IQCN: variants seen among roughly 807,000 people sequenced by gnomAD.
IQCN encodes the protein IQ domain-containing protein N.
Under a neutral mutation model 64.4 loss-of-function variants are expected in IQCN, and 46 were observed. That is an observed-to-expected ratio of 0.71 (90% CI 0.56 to 0.91). The LOEUF (loss-of-function observed/expected upper bound fraction) is 0.91, where lower values mean the gene tolerates loss of function less well. IQCN is among the 40% of genes least tolerant of loss of function. The pLI, the probability that IQCN is intolerant of heterozygous loss-of-function variation, is 0.00. For missense variants in IQCN, 1,753 were observed against 1,857.4 expected (o/e 0.94, Z 1.03); for synonymous variants, 733 against 775.6 (o/e 0.95, Z 0.91).
intron 2 of IQCN, 161 bp from the exon 3 acceptor site, chr19:18,267,687 G>C (rs1289219090): frequency 1.2e-6 from 1 of 831,886 alleles, no homozygotes; most frequent in Admixed American, 3.5e-5. Flanking sequence ...AGTGGTCTTT[G>C]CCATCCTTAT....
At chr19:18,273,037 A>ATTT (rs554792560) in intron 1 of IQCN, among the ~76,000 whole-genome samples, 57 of 151,772 alleles carry the variant, frequency 3.8e-4, no homozygotes, top group South Asian at 1.2e-3. Context: ...TATTATTTTT[A>ATTT]TTTTTTTGAG....
At chr19:18,268,149 T>C (rs1969645958) in intron 2 of IQCN, among the ~76,000 whole-genome samples, 2 of 150,828 alleles carry the variant, frequency 1.3e-5, no homozygotes. Flanking sequence ...CTGATCACAA[T>C]GTTTTGGAAA....
rs200986231 is a variant in IQCN, at chr19:18,264,954, G to C, written c.2586C>G (p.Pro862=). Residue 862 remains proline, a synonymous_variant, in exon 3 of 4, where the codon CCC becomes CCG. Transcript: ENST00000392413. The surrounding 1 kb of genome is among the most constrained non-coding windows in gnomAD (Gnocchi z 4.3). ...CCTCCTGGCAGGGCACCGCCTGGCCGGGCATTGATGGCTGGGCACGTGTGG... is the reference window on the plus strand; with the variant it reads ...CCTCCTGGCAGGGCACCGCCTGGCCCGGCATTGATGGCTGGGCACGTGTGG... ...NGATRAQPSM[P]GQAVPCQEDT... is the part of the protein sequence containing the mutation. 1 of 1,610,778 alleles carries C rather than the reference G, an allele frequency of 6.2e-7. No homozygotes were observed. Among genetic ancestry groups the C allele is most frequent in the African/African-American group, 1.3e-5 (1 of 75,060 alleles).
chr19:18,265,029 T>G lies in IQCN; in HGVS notation c.2511A>C (p.Ala837=), dbSNP rs1397339706. The change falls in exon 3 of 4, where the codon GCA becomes GCC. Residue 837 remains alanine (A), a synonymous_variant. Transcript: ENST00000392413. This position sits in a 1 kb window ranked among gnomAD's most constrained non-coding sequence, Gnocchi z 4.7. ...EVQGMLVPPM[A]PTGHSTCNVE... ...CGTTGCATGTGGAATGGCCGGTGGG[T>G]GCCATCGGCGGCACCAGCATACCCT... 6.2e-7 allele frequency: 1 copy of G among 1,602,128 alleles called. No individual in the cohort carries two copies. Among genetic ancestry groups the G allele is most frequent in the Non-Finnish European group, 8.5e-7 (1 of 1,179,788 alleles).
intron 3 of IQCN, chr19:18,258,345 G>T: frequency 1.4e-6 from 1 of 695,180 alleles, no homozygotes. Context: ...GGGCCTGTGG[G>T]TGGGGTTTGC....
intron 3 of IQCN, chr19:18,261,490 G>C: frequency 6.4e-6 from 1 of 155,510 alleles, no homozygotes; most frequent in East Asian, 1.9e-4. Context: ...GGCTGGGTCA[G>C]GCTTGGAGAC....
At chr19:18,272,641 C>G (rs968322135) in intron 1 of IQCN, among the ~76,000 whole-genome samples, 6 of 149,504 alleles carry the variant, frequency 4.0e-5, no homozygotes, top group Non-Finnish European at 7.4e-5. Flanking sequence ...GACGGAGTCT[C>G]GTTCTGTCTC....
chr19:18,264,764 T>C lies in IQCN; in HGVS notation c.2776A>G (p.Lys926Glu). 2 of 1,551,154 alleles carry C rather than the reference T, an allele frequency of 1.3e-6. No homozygotes were observed. Among genetic ancestry groups the C allele is most frequent in the South Asian group, 1.2e-5 (1 of 84,152 alleles). The change falls in exon 3 of 4, where the codon AAA (lysine) becomes GAA (glutamate). Residue 926 changes from lysine (K) to glutamate (E), a missense_variant. Lys to Glu is a moderately conservative substitution (Grantham distance 56). Transcript: ENST00000392413. The surrounding 1 kb of genome is among the most constrained non-coding windows in gnomAD (Gnocchi z 4.3). ...SKEVLGATVT[K>E]ALPQSMLSMA... ...CTCAGCATGCTCTGGGGCAGGGCTT[T>C]GGTGACAGTGGCACCCAGGACCTCC...
At chr19:18,262,672 C>G (rs1363516781) in intron 3 of IQCN, 6 of 152,234 alleles carry the variant, frequency 3.9e-5, no homozygotes, top group Non-Finnish European at 8.8e-5. Context: ...CTTGGGGTCA[C>G]CCAATTACCC....
At chr19:18,262,153 G>T (rs568839998) in intron 3 of IQCN, 1 of 153,026 alleles carries the variant, frequency 6.5e-6, no homozygotes, top group Non-Finnish European at 1.5e-5. Context: ...AGGTAGCCTG[G>T]GTTTGGGGAC....
rs1568279698 is a variant in IQCN, at chr19:18,265,840, ACCAC to A, written c.1696_1699del (p.Val566Ter). The A allele has an allele frequency of 6.2e-7, 1 of 1,613,846 alleles. No individual in the cohort carries two copies. Among genetic ancestry groups the A allele is most frequent in the Admixed American group, 1.7e-5 (1 of 60,004 alleles). On this transcript the variant is annotated frameshift_variant, in exon 3 of 4. Coordinates refer to ENST00000392413, the MANE Select transcript of IQCN (RefSeq NM_001145304.2). LOFTEE classifies it high-confidence loss of function. This position sits in a 1 kb window ranked among gnomAD's most constrained non-coding sequence, Gnocchi z 4.7. ...CAAATAGGAGGGGGATGAGGCTTTC[ACCAC>A]CTTTGCAGCCTGCTTCACATTCACG...
chr19:18,265,827 G>T lies in IQCN; in HGVS notation c.1713C>A (p.Ser571=), dbSNP rs1402436780. ...TCTTCCCCTCAGCCAAATAGGAGGG[G>T]GATGAGGCTTTCACCACCTTTGCAG... ...KQAAKVVKAS[S]PSYLAEGKIR... Residue 571 remains serine, a synonymous_variant, in exon 3 of 4, where the codon TCC becomes TCA. Transcript: ENST00000392413. This position sits in a 1 kb window ranked among gnomAD's most constrained non-coding sequence, Gnocchi z 4.7. 6.2e-7 allele frequency: 1 copy of T among 1,614,180 alleles called. No homozygotes were observed. The highest frequency in any genetic ancestry group is 1.1e-5 in the South Asian group (1 of 91,076).
rs867187080 is a variant in IQCN, at chr19:18,264,739, C to T, written c.2801G>A (p.Ser934Asn). ...VTKALPQSML[S>N]MALVKALSWS... ...GGACAGCGCCTTCACCAGCGCCATG[C>T]TCAGCATGCTCTGGGGCAGGGCTTT... The change falls in exon 3 of 4, where the codon AGC becomes AAC. Residue 934 changes from serine to asparagine, a missense_variant. By Grantham distance (46) the Ser-to-Asn change is conservative (BLOSUM62 1). Coordinates refer to ENST00000392413, the MANE Select transcript of IQCN (RefSeq NM_001145304.2). This position sits in a 1 kb window ranked among gnomAD's most constrained non-coding sequence, Gnocchi z 4.3. 6.4e-7 allele frequency: 1 copy of T among 1,551,180 alleles called. No individual in the cohort carries two copies. The highest frequency in any genetic ancestry group is 1.4e-5 in the African/African-American group (1 of 73,200).
At chr19:18,271,628 C>A (rs775749697) in intron 1 of IQCN, among the ~76,000 whole-genome samples, 3 of 152,162 alleles carry the variant, frequency 2.0e-5, no homozygotes, top group South Asian at 4.1e-4. Flanking sequence ...ATCGGCCAAG[C>A]CAGAGCTGGT....
intron 1 of IQCN, among the ~76,000 whole-genome samples, chr19:18,273,579 G>A (rs550961930): frequency 8.5e-4 from 129 of 152,082 alleles, no homozygotes; most frequent in African/African-American, 3.0e-3. Context: ...TGATCTGCCC[G>A]CCTTGGCTTC....
intron 3 of IQCN, chr19:18,258,695 A>C: frequency 3.0e-6 from 1 of 338,282 alleles, no homozygotes; most frequent in East Asian, 7.7e-5. Flanking sequence ...GCAATCTGAA[A>C]GCCTCAGTAC....
In IQCN at chr19:18,266,119, G is replaced by A. The variant is rs1267797141; in HGVS notation, c.1421C>T (p.Ala474Val). Reference protein sequence around the residue: ...AKNPLQTCLSATMSKTSSQRS... With the variant: ...AKNPLQTCLSVTMSKTSSQRS... ...CTGGGATGAAGTCTTGGACATTGTG[G>A]CTGACAGACATGTTTGCAATGGGTT... is the stretch of plus-strand genomic sequence containing the variant. The change falls in exon 3 of 4, where the codon GCC (alanine) becomes GTC (valine). Residue 474 changes from alanine to valine, a missense_variant. Coordinates refer to ENST00000392413, the MANE Select transcript of IQCN (RefSeq NM_001145304.2). This position sits in a 1 kb window ranked among gnomAD's most constrained non-coding sequence, Gnocchi z 4.3. 6.2e-7 allele frequency: 1 copy of A among 1,614,032 alleles called. No homozygotes were observed. The highest frequency in any genetic ancestry group is 1.7e-5 in the Admixed American group (1 of 60,000).
chr19:18,266,557 T>C lies in IQCN; in HGVS notation c.983A>G (p.Gln328Arg). Residue 328 changes from glutamine to arginine, a missense_variant, in exon 3 of 4, where the codon CAG (glutamine) becomes CGG (arginine). By Grantham distance (43) the Gln-to-Arg change is conservative. Transcript: ENST00000392413. This position sits in a 1 kb window ranked among gnomAD's most constrained non-coding sequence, Gnocchi z 4.3. ...VKAETPKAPFQICPGPMITKT... is the reference protein window; with the variant it reads ...VKAETPKAPFRICPGPMITKT... ...GGTGATCATGGGCCCTGGACATATC[T>C]GGAAGGGGGCTTTGGGGGTCTCTGC... 1 of 1,613,224 alleles carries C rather than the reference T, an allele frequency of 6.2e-7. No individual in the cohort carries two copies. Among genetic ancestry groups the C allele is most frequent in the African/African-American group, 1.3e-5 (1 of 74,892 alleles).
At position 18,264,296 on chromosome 19, in the gene IQCN, C is replaced by T. The variant is rs1044646066; in HGVS notation, c.3177+67G>A. The stretch of plus-strand genomic sequence containing the variant: ...AGATGGCCCCATCAATCCCCCATCT[C>T]CTCCAAGGGCCCGGCAGGTTGGCCC... On this transcript the variant is annotated intron_variant, in intron 3 of 3. Transcript: ENST00000392413. The surrounding 1 kb of genome is among the most constrained non-coding windows in gnomAD (Gnocchi z 4.3). 6.2e-5 allele frequency: 83 copies of T among 1,344,338 alleles called. No individual in the cohort carries two copies. Among genetic ancestry groups the T allele is most frequent in the Middle Eastern group, 2.5e-4 (1 of 4,022 alleles). The allele number at this position is 1,344,338 out of a possible 1,614,324, so 83.3% of individuals were successfully genotyped here.
Sources: gnomAD v4.1 joint callset for allele counts (sites outside exome capture counted in the v4.1 genomes callset) on GRCh38, gnomAD v4.1.1 for gene constraint, Gnocchi (gnomAD v3.1) non-coding constraint, MANE v1.5 for transcripts, NCBI Gene and HGNC (gene_info 2026-07-23, HGNC 2026-07-21) for gene names.